Variants in FYB2 observed in about 807,000 individuals in gnomAD.
FYB2 encodes the protein FYN-binding protein 2.
FYB2 carries 103 observed loss-of-function variants against 94.1 expected under a neutral mutation model. The ratio of observed to expected loss-of-function variants is 1.09; its 90% CI spans 0.93 to 1.29. The LOEUF (loss-of-function observed/expected upper bound fraction) is 1.29, where lower values mean the gene tolerates loss of function less well. FYB2 is among the 50% of genes most tolerant of loss of function. FYB2 has a pLI of 0.00. For missense variants in FYB2, 896 were observed against 841.5 expected (o/e 1.06, Z -0.80); for synonymous variants, 293 against 287.9 (o/e 1.02, Z -0.18).
intron 1 of FYB2, among the ~76,000 whole-genome samples, 154 bp from the exon 2 acceptor site, chr1:56,792,957 G>C (rs372024417): frequency 6.6e-6 from 1 of 152,068 alleles, no homozygotes; most frequent in African/African-American, 2.4e-5. Context: ...CTGATATAAC[G>C]CAATTGCTTC....
intron 2 of FYB2, among the ~76,000 whole-genome samples, chr1:56,791,013 G>C (rs1468563837): frequency 6.6e-6 from 1 of 152,150 alleles, no homozygotes; most frequent in African/African-American, 2.4e-5. Context: ...GCTCGGGGAA[G>C]ACAGGTAGGA....
chr1:56,784,712 T>C (rs1429041565), intron 4 of FYB2, among the ~76,000 whole-genome samples: 1 of 152,180 alleles, frequency 6.6e-6, no homozygotes, highest in African/African-American at 2.4e-5. Flanking sequence ...CTTTCAAACA[T>C]GTTCTATCTC....
chr1:56,815,141 T>C (rs535921149), intron 1 of FYB2, among the ~76,000 whole-genome samples: 4 of 152,164 alleles, frequency 2.6e-5, no homozygotes, highest in African/African-American at 9.7e-5. Context: ...TCTGCTCTAG[T>C]AGCACCTTGC....
intron 15 of FYB2, among the ~76,000 whole-genome samples, chr1:56,734,949 CA>C (rs879328547): frequency 1.0e-3 from 148 of 146,790 alleles, no homozygotes; most frequent in Non-Finnish European, 1.1e-3. Context: ...ATCAAAAGGA[CA>C]AAAAAAAAAT....
intron 15 of FYB2, among the ~76,000 whole-genome samples, chr1:56,733,084 C>T (rs967943200): frequency 6.6e-6 from 1 of 151,930 alleles, no homozygotes; most frequent in Non-Finnish European, 1.5e-5. Flanking sequence ...AACTATTAAT[C>T]TGACAGGTGA....
At chr1:56,739,183 C>T (rs1015937211) in intron 13 of FYB2, among the ~76,000 whole-genome samples, 2 of 152,014 alleles carry the variant, frequency 1.3e-5, no homozygotes, top group Non-Finnish European at 2.9e-5. Context: ...TAGTATGTAG[C>T]CAATGAATAG....
intron 16 of FYB2, 39 bp downstream of exon 16, chr1:56,726,458 A>G (rs1644584962): frequency 7.7e-6 from 12 of 1,559,868 alleles, no homozygotes; most frequent in Non-Finnish European, 1.1e-5. Flanking sequence ...TATAAATTGC[A>G]GCAGATAAGC....
chr1:56,746,401 A>C (rs1645068353), intron 9 of FYB2, among the ~76,000 whole-genome samples: 1 of 151,898 alleles, frequency 6.6e-6, no homozygotes, highest in Non-Finnish European at 1.5e-5. Context: ...TCATCTGACT[A>C]AAGTTTCTTC....
chr1:56,806,849 G>A (rs1351925316), intron 1 of FYB2, among the ~76,000 whole-genome samples: 1 of 152,124 alleles, frequency 6.6e-6, no homozygotes, highest in African/African-American at 2.4e-5. Context: ...GAAAAATTGG[G>A]CCATATATAC....
chr1:56,754,731 C>A (rs1645283905), intron 7 of FYB2, among the ~76,000 whole-genome samples: 1 of 152,078 alleles, frequency 6.6e-6, no homozygotes, highest in South Asian at 2.1e-4. Flanking sequence ...CCCCTCACTC[C>A]CAACTACTCT....
intron 9 of FYB2, among the ~76,000 whole-genome samples, chr1:56,748,054 A>G (rs1645108883): frequency 6.6e-6 from 1 of 152,114 alleles, no homozygotes; most frequent in Non-Finnish European, 1.5e-5. Flanking sequence ...TCTTCTTTTG[A>G]GAAGTGTCTG....
intron 1 of FYB2, among the ~76,000 whole-genome samples, chr1:56,803,929 G>A (rs1280619385): frequency 6.6e-6 from 1 of 152,122 alleles, no homozygotes; most frequent in African/African-American, 2.4e-5. Flanking sequence ...TTTCTCCTCA[G>A]ACCTCTTCTG....
intron 4 of FYB2, 55 bp from the exon 5 acceptor site, chr1:56,767,993 G>A (rs1416616865): frequency 5.8e-6 from 8 of 1,372,752 alleles, no homozygotes; most frequent in Non-Finnish European, 8.1e-6. Context: ...TATTTTGAAA[G>A]CTTTTTGTAT....
chr1:56,741,945 T>C (rs1042082389), intron 12 of FYB2, among the ~76,000 whole-genome samples: 1 of 152,096 alleles, frequency 6.6e-6, no homozygotes, highest in African/African-American at 2.4e-5. Flanking sequence ...TGATAGTATA[T>C]GATTGTACAC....
rs935671937 is a variant in FYB2, at chr1:56,758,664, C to T, written c.1098+52G>A. On this transcript the variant is annotated intron_variant, in intron 6 of 19. Coordinates refer to ENST00000343433, the MANE Select transcript of FYB2 (RefSeq NM_001004303.5). ...TAAAAGATACTACTTTAGAATCAAC[C>T]TTGCATGCTTATTTTACTTTTAGTT... 5.0e-6 allele frequency: 7 copies of T among 1,399,820 alleles called. No individual in the cohort carries two copies. In the African/African-American group the frequency reaches 8.7e-5, roughly 17 times the overall value. 86.7% of individuals were successfully genotyped at this position (1,399,820 alleles called of 1,614,324 possible). A position where few individuals can be genotyped will look rare whatever the true frequency, so the allele number is the denominator to read the frequency against.
rs540357031 is a variant in FYB2 at position 56,732,048 on chromosome 1, CCT to C, written c.1793+5037_1793+5038del. Reference sequence around the variant, plus strand: ...TGAGAAAGGAGGAAGTAAAATTGCCCCTGTTTGCAGACGACATGATCTTATAT... The same window carrying C: ...TGAGAAAGGAGGAAGTAAAATTGCCCGTTTGCAGACGACATGATCTTATAT... On this transcript the variant is annotated intron_variant, in intron 15 of 19. Transcript: ENST00000343433. 17 of 152,110 alleles carry C rather than the reference CCT, an allele frequency of 1.1e-4. No individual in the cohort carries two copies. In the East Asian group the frequency reaches 3.3e-3, roughly 30 times the overall value. The allele number at this position is 152,110 out of a possible 1,614,324, so 9.4% of individuals were successfully genotyped here. A position where few individuals can be genotyped will look rare whatever the true frequency, so the allele number is the denominator to read the frequency against.
chr1:56,719,780 G>C, intron 19 of FYB2, 88 bp from the exon 20 acceptor site: 1 of 1,233,718 alleles, frequency 8.1e-7, no homozygotes, highest in Non-Finnish European at 1.1e-6. Context: ...TTCTGATCTA[G>C]TTTAATATGT....
chr1:56,797,244 A>G (rs1646421319), intron 1 of FYB2, among the ~76,000 whole-genome samples: 1 of 152,172 alleles, frequency 6.6e-6, no homozygotes, highest in Admixed American at 6.5e-5. Context: ...GCCCCAGTGC[A>G]CAGTGTATGA....
intron 1 of FYB2, among the ~76,000 whole-genome samples, chr1:56,798,649 G>GATA (rs924890636): frequency 1.3e-5 from 2 of 151,870 alleles, no homozygotes; most frequent in African/African-American, 4.8e-5. Flanking sequence ...AAGGAATAAT[G>GATA]ATAATAATAA....
Sources: allele counts gnomAD v4.1 joint callset (sites outside exome capture counted in the v4.1 genomes callset), GRCh38; gene constraint gnomAD v4.1.1; transcripts MANE v1.5; gene names NCBI Gene and HGNC (gene_info 2026-07-23, HGNC 2026-07-21).